AFAP1: variants seen among roughly 807,000 people sequenced by gnomAD.
AFAP1 encodes the protein actin filament associated protein 1, also known as actin filament-associated protein 1.
Under a neutral mutation model 93.9 loss-of-function variants are expected in AFAP1, and 75 were observed. The ratio of observed to expected loss-of-function variants is 0.80; its 90% CI spans 0.66 to 0.97. The LOEUF is 0.97. AFAP1 is among the 50% of genes least tolerant of loss of function. AFAP1 has a pLI of 0.00. For synonymous variants in AFAP1, 517 were observed against 430.7 expected, an observed-to-expected ratio of 1.20 and a Z score of -2.48; for missense variants, 1,201 against 1,050.8, an observed-to-expected ratio of 1.14 and a Z score of -1.98.
In AFAP1 at chr4:7,762,738, G is replaced by C. The variant is rs546883317; in HGVS notation, c.*1027C>G. On this transcript the variant is annotated 3_prime_UTR_variant, in exon 18 of 18. Transcript: ENST00000420658. The stretch of plus-strand genomic sequence containing the variant: ...ACAAGCTGGAGGAAGGGGAGGGGCA[G>C]GAGGCCCTGGAATTCCTGCCTCTTG... 5 of 152,400 alleles carry C rather than the reference G, an allele frequency of 3.3e-5. No homozygotes were observed. The highest frequency in any genetic ancestry group is 1.2e-4 in the African/African-American group (5 of 41,582). The allele number at this position is 152,400 out of a possible 1,614,324, so 9.4% of individuals were successfully genotyped here.
chr4:7,868,496 AG>A (rs1716673419), intron 3 of AFAP1, 125 bp downstream of exon 3: 1 of 742,124 alleles, frequency 1.3e-6, no homozygotes, highest in African/African-American at 1.8e-5. Flanking sequence ...ATATACTCAA[AG>A]GAGTGCCTCG....
rs578017785 is a variant in AFAP1, at chr4:7,934,844, G to A, written c.-3+4812C>T. Among the ~76,000 whole-genome samples the A allele has an allele frequency of 1.5e-4, 23 of 152,290 alleles. No homozygotes were observed. In the South Asian group the frequency reaches 2.7e-3, roughly 18 times the overall value. ...CTGCAATGTCAAGAAATTACGCTTC[G>A]CTAAAGCATGGGAATGCTATTTACG... On this transcript the variant is annotated intron_variant, in intron 1 of 17. Transcript: ENST00000420658.
chr4:7,937,484 C>T (rs185106755), intron 1 of AFAP1, among the ~76,000 whole-genome samples: 238 of 152,246 alleles, frequency 1.6e-3, no homozygotes, highest in African/African-American at 5.5e-3. Flanking sequence ...AGACCCAGTA[C>T]ATTGTTTCTG....
At chr4:7,882,976 C>T (rs114608327) in intron 1 of AFAP1, among the ~76,000 whole-genome samples, 4,299 of 151,860 alleles carry the variant, frequency 0.028, 207 homozygotes, top group African/African-American at 0.099. Flanking sequence ...CTTGAGCCAG[C>T]GAGTTTGAGA....
intron 4 of AFAP1, among the ~76,000 whole-genome samples, chr4:7,845,125 A>G (rs1713531956): frequency 6.6e-6 from 1 of 152,224 alleles, no homozygotes; most frequent in Non-Finnish European, 1.5e-5. Context: ...TTCAACAATG[A>G]AAAGTTGTCC....
At chr4:7,823,684 T>C (rs1238522614) in intron 6 of AFAP1, among the ~76,000 whole-genome samples, 1 of 152,190 alleles carries the variant, frequency 6.6e-6, no homozygotes, top group Non-Finnish European at 1.5e-5. Context: ...CACCCAACCA[T>C]GTAATCTGAA....
chr4:7,850,878 T>C (rs1373066404), intron 4 of AFAP1, among the ~76,000 whole-genome samples: 1 of 152,240 alleles, frequency 6.6e-6, no homozygotes, highest in Non-Finnish European at 1.5e-5. Flanking sequence ...TCGTTTACCC[T>C]TGACCTCCTG....
At chr4:7,929,495 C>G (rs1720945393) in intron 1 of AFAP1, among the ~76,000 whole-genome samples, 1 of 152,228 alleles carries the variant, frequency 6.6e-6, no homozygotes, top group Non-Finnish European at 1.5e-5. Flanking sequence ...GCCTCAGCTG[C>G]TCGGTTCCAC....
intron 4 of AFAP1, among the ~76,000 whole-genome samples, chr4:7,850,212 CTAT>C (rs1714279051): frequency 1.3e-5 from 2 of 152,158 alleles, no homozygotes; most frequent in African/African-American, 2.4e-5. Flanking sequence ...CTGAGAGTTA[CTAT>C]GAGGATAAAA....
In AFAP1 at chr4:7,867,250, G is replaced by A. The variant is rs183009579; in HGVS notation, c.225+1372C>T. 3.1e-3 allele frequency among the ~76,000 whole-genome samples: 469 copies of A among 152,292 alleles called. 1 individual carries two copies. The highest frequency in any genetic ancestry group is 4.8e-3 in the South Asian group (23 of 4,828). On this transcript the variant is annotated intron_variant, in intron 3 of 17. Transcript: ENST00000420658. ...TGGTTGGCTGAAGGCTAAAGTTTGAGAAGCGCTGCTCTGAGGAGGGATTAG... is the reference window on the plus strand; with the variant it reads ...TGGTTGGCTGAAGGCTAAAGTTTGAAAAGCGCTGCTCTGAGGAGGGATTAG...
chr4:7,826,462 T>A, intron 6 of AFAP1, among the ~76,000 whole-genome samples: 1 of 152,224 alleles, frequency 6.6e-6, no homozygotes, highest in East Asian at 1.9e-4. Flanking sequence ...ACAGAGGGAT[T>A]TCGCCCAAGG....
intron 7 of AFAP1, among the ~76,000 whole-genome samples, chr4:7,818,112 G>A (rs1318095918): frequency 6.6e-6 from 1 of 152,166 alleles, no homozygotes; most frequent in East Asian, 1.9e-4. Flanking sequence ...TAAGCAGCCT[G>A]CCCTCTGTAA....
chr4:7,811,121 G>A (rs904924690), intron 8 of AFAP1, among the ~76,000 whole-genome samples: 13 of 152,206 alleles, frequency 8.5e-5, no homozygotes, highest in Middle Eastern at 3.2e-3. Flanking sequence ...AGGGGAGGCC[G>A]GCGAGGCGCT....
At chr4:7,923,264 C>A (rs1720534557) in intron 1 of AFAP1, among the ~76,000 whole-genome samples, 1 of 152,200 alleles carries the variant, frequency 6.6e-6, no homozygotes, top group South Asian at 2.1e-4. Flanking sequence ...CTGGAACCAT[C>A]TCTGTATCAG....
chr4:7,777,289 G>A (rs1400689333), intron 14 of AFAP1: 1 of 152,206 alleles, frequency 6.6e-6, no homozygotes, highest in East Asian at 1.9e-4. Context: ...TAAACAAATG[G>A]TGGTAGGAGG....
intron 10 of AFAP1, among the ~76,000 whole-genome samples, chr4:7,799,790 A>C (rs2149028797): frequency 6.6e-6 from 1 of 152,314 alleles, no homozygotes; most frequent in Non-Finnish European, 1.5e-5. Flanking sequence ...CAATAATGAA[A>C]GTTTTGAGTA....
intron 2 of AFAP1, 73 bp downstream of exon 2, chr4:7,871,879 G>C (rs1717080788): frequency 1.3e-6 from 2 of 1,518,322 alleles, no homozygotes; most frequent in African/African-American, 2.8e-5. Flanking sequence ...TTTTAGAAAG[G>C]TGGTAAAATT....
intron 4 of AFAP1, among the ~76,000 whole-genome samples, chr4:7,847,186 T>C (rs1393795392): frequency 2.6e-5 from 4 of 152,060 alleles, no homozygotes; most frequent in Non-Finnish European, 5.9e-5. Flanking sequence ...CTGGAAAGTA[T>C]GCTTAGCCGT....
intron 8 of AFAP1, among the ~76,000 whole-genome samples, chr4:7,814,755 C>A (rs1409429231): frequency 6.6e-6 from 1 of 152,158 alleles, no homozygotes; most frequent in Non-Finnish European, 1.5e-5. Context: ...CGGGTAGAGG[C>A]AGAGGCAGAC....
Sources: gnomAD v4.1 joint callset for allele counts (sites outside exome capture counted in the v4.1 genomes callset) on GRCh38, gnomAD v4.1.1 for gene constraint, MANE v1.5 for transcripts, NCBI Gene and HGNC (gene_info 2026-07-23, HGNC 2026-07-21) for gene names.